The following DCDC2 variants were observed in gnomAD, a reference collection of about 807,000 sequenced individuals.
DCDC2 encodes doublecortin domain-containing protein 2.
In DCDC2, 40 loss-of-function variants were observed where a neutral mutation model predicts 50.2. That is an observed-to-expected ratio of 0.80 (90% CI 0.62 to 1.04). The LOEUF is 1.04. Ranked by LOEUF, DCDC2 falls within the 50% of genes least tolerant of loss-of-function variation. The pLI, the probability that DCDC2 is intolerant of heterozygous loss-of-function variation, is 0.00. For synonymous variants in DCDC2, 234 were observed against 210.6 expected, an observed-to-expected ratio of 1.11 and a Z score of -0.96; for missense variants, 570 against 581.9, an observed-to-expected ratio of 0.98 and a Z score of 0.21.
chr6:24,216,365 A>C (rs2113770776), intron 7 of DCDC2, among the ~76,000 whole-genome samples: 1 of 152,292 alleles, frequency 6.6e-6, no homozygotes, highest in South Asian at 2.1e-4. Context: ...AAGATGCGGG[A>C]AAGTGGAAGT....
At chr6:24,361,785 ACCCTGACGCCAG>A (rs1388536661), upstream of DCDC2, among the ~76,000 whole-genome samples, 1 of 152,078 alleles carries the variant, frequency 6.6e-6, no homozygotes, top group Non-Finnish European at 1.5e-5. Context: ...TGATGTGGGG[ACCCTGACGCCAG>A]CCCATGAAGC....
the DCDC2 span, among the ~76,000 whole-genome samples, chr6:24,382,005 AAGGAAGGC>A: frequency 0.022 from 2,338 of 103,926 alleles, 62 homozygotes; most frequent in African/African-American, 0.083. Flanking sequence ...GGAAGGAAGG[AAGGAAGGC>A]AGGCAAGCTA....
At chr6:24,340,160 C>A (rs1467149678) in intron 2 of DCDC2, among the ~76,000 whole-genome samples, 1 of 152,140 alleles carries the variant, frequency 6.6e-6, no homozygotes, top group Non-Finnish European at 1.5e-5. Context: ...ATGCCATCTC[C>A]TTTGCCTGCA....
intron 8 of DCDC2, among the ~76,000 whole-genome samples, chr6:24,202,854 G>C (rs935327250): frequency 1.3e-4 from 20 of 152,092 alleles, no homozygotes; most frequent in Admixed American, 1.3e-3. Flanking sequence ...GACAAACAGA[G>C]AGCCAAATCA....
chr6:24,278,244 G>A, intron 6 of DCDC2, 33 bp from the exon 7 acceptor site: 1 of 1,556,646 alleles, frequency 6.4e-7, no homozygotes, highest in Non-Finnish European at 8.7e-7. Flanking sequence ...CTTATTATTA[G>A]CTAATGAACT....
At chr6:24,183,262 G>T (rs985808770) in intron 8 of DCDC2, among the ~76,000 whole-genome samples, 1 of 152,178 alleles carries the variant, frequency 6.6e-6, no homozygotes, top group Non-Finnish European at 1.5e-5. Flanking sequence ...CCACTGAACT[G>T]TATGTACACT....
chr6:24,296,252 G>T (rs940902275), intron 4 of DCDC2, among the ~76,000 whole-genome samples: 2 of 152,172 alleles, frequency 1.3e-5, no homozygotes, highest in Non-Finnish European at 2.9e-5. Context: ...AATAAATGGT[G>T]CTGGGATAAC....
At chr6:24,228,280 G>A (rs114164637) in intron 7 of DCDC2, among the ~76,000 whole-genome samples, 3,886 of 152,328 alleles carry the variant, frequency 0.026, 89 homozygotes, top group African/African-American at 0.055. Flanking sequence ...TCTGCACCCA[G>A]CTTGCAGAAA....
rs1286173349 is a variant in DCDC2 at position 24,290,959 on chromosome 6, T to C, written c.677A>G (p.Asp226Gly). 1 of 1,613,630 alleles carries C rather than the reference T, an allele frequency of 6.2e-7. No homozygotes were observed. The highest frequency in any genetic ancestry group is 8.5e-7 in the Non-Finnish European group (1 of 1,179,924). Reference sequence around the variant, plus strand: ...AAAAGGCCTTCTCATCGTTGACTTGTCAAAAAGTAACTCACTGTAAGGCAG... The same window carrying C: ...AAAAGGCCTTCTCATCGTTGACTTGCCAAAAAGTAACTCACTGTAAGGCAG... ...KKLPYSELLF[D>G]KSTMRRPFGQ... Residue 226 changes from aspartate to glycine, a missense_variant, in exon 5 of 10, where the codon GAC becomes GGC. Coordinates refer to ENST00000378454, the MANE Select transcript of DCDC2 (RefSeq NM_016356.5).
rs566212767 is a variant in DCDC2 at position 24,237,631 on chromosome 6, G to A, written c.923-32529C>T. 3.3e-5 allele frequency among the ~76,000 whole-genome samples: 5 copies of A among 152,260 alleles called. No homozygotes were observed. In the South Asian group the frequency reaches 1.0e-3, roughly 32 times the overall value. Reference sequence around the variant, plus strand: ...TGACATATGTACTTGTATGTTCATTGCAGGACTATTCACAATAGCAAAGAC... The same window carrying A: ...TGACATATGTACTTGTATGTTCATTACAGGACTATTCACAATAGCAAAGAC... On this transcript the variant is annotated intron_variant, in intron 7 of 9. Transcript: ENST00000378454.
At chr6:24,187,321 G>A (rs886376466) in intron 8 of DCDC2, among the ~76,000 whole-genome samples, 12 of 152,034 alleles carry the variant, frequency 7.9e-5, no homozygotes, top group Non-Finnish European at 1.3e-4. Flanking sequence ...CCTGGGCCAC[G>A]GGCGGTGCCA....
intron 7 of DCDC2, among the ~76,000 whole-genome samples, chr6:24,227,139 T>C (rs1187467959): frequency 6.6e-6 from 1 of 152,186 alleles, no homozygotes; most frequent in African/African-American, 2.4e-5. Context: ...GGAAGGGCAT[T>C]TGAGAAGATG....
chr6:24,312,303 C>G (rs560723699), intron 2 of DCDC2, among the ~76,000 whole-genome samples: 56 of 152,254 alleles, frequency 3.7e-4, no homozygotes, highest in African/African-American at 1.3e-3. Context: ...TTGGTGGTCT[C>G]TTCACATGGA....
chr6:24,180,986 T>C (rs1761059752), intron 8 of DCDC2, among the ~76,000 whole-genome samples: 1 of 152,238 alleles, frequency 6.6e-6, no homozygotes, highest in South Asian at 2.1e-4. Context: ...TGTGTATTTT[T>C]TAAATGAAGG....
intron 7 of DCDC2, among the ~76,000 whole-genome samples, chr6:24,245,832 G>T (rs1762659746): frequency 6.6e-6 from 1 of 151,844 alleles, no homozygotes; most frequent in Non-Finnish European, 1.5e-5. Context: ...ACAAAAACTG[G>T]CAAATTTGAA....
chr6:24,187,977 T>A (rs1217707259), intron 8 of DCDC2, among the ~76,000 whole-genome samples: 2 of 152,250 alleles, frequency 1.3e-5, no homozygotes, highest in African/African-American at 4.8e-5. Context: ...ACAAAAGGAT[T>A]TGAATTCTTT....
At chr6:24,252,633 G>A (rs1762816372) in intron 7 of DCDC2, among the ~76,000 whole-genome samples, 1 of 152,210 alleles carries the variant, frequency 6.6e-6, no homozygotes, top group South Asian at 2.1e-4. Flanking sequence ...AGTAGAAAGA[G>A]AATGGTGAGG....
intron 5 of DCDC2, among the ~76,000 whole-genome samples, chr6:24,290,447 ATCC>A (rs1318717124): frequency 6.6e-6 from 1 of 152,182 alleles, no homozygotes; most frequent in Non-Finnish European, 1.5e-5. Flanking sequence ...CTGTACACCC[ATCC>A]TCTCTATTTG....
At chr6:24,288,777 T>C (rs772039525) in intron 6 of DCDC2, 75 bp downstream of exon 6, 159 of 1,389,960 alleles carry the variant, frequency 1.1e-4, no homozygotes, top group Non-Finnish European at 1.6e-4. Flanking sequence ...TGGAACTTAA[T>C]TGAAGCCCAA....
Sources: allele counts gnomAD v4.1 joint callset (sites outside exome capture counted in the v4.1 genomes callset), GRCh38; gene constraint gnomAD v4.1.1; transcripts MANE v1.5; gene names NCBI Gene and HGNC (gene_info 2026-07-23, HGNC 2026-07-21).